DESI1: variants seen among roughly 807,000 people sequenced by gnomAD.
DESI1 encodes PPPDE peptidase domain containing 2.
In DESI1, 17 loss-of-function variants were observed where a neutral mutation model predicts 22.4. That is an observed-to-expected ratio of 0.76 (90% CI 0.52 to 1.14). DESI1 has a LOEUF of 1.14. Ranked by LOEUF, DESI1 falls within the 50% of genes most tolerant of loss-of-function variation. DESI1 has a pLI of 0.00. For synonymous variants in DESI1, 92 were observed against 84.2 expected (o/e 1.09, Z -0.51); for missense variants, 177 against 208.9 (o/e 0.85, Z 0.94).
intron 1 of DESI1, among the ~76,000 whole-genome samples, chr22:41,613,723 G>T (rs73887752): frequency 0.01 from 1,571 of 152,322 alleles, 27 homozygotes; most frequent in African/African-American, 0.036. Flanking sequence ...GTCTACTGCT[G>T]TCTTCTCAGA....
At chr22:41,615,271 TTA>T (rs2067543873) in intron 1 of DESI1, among the ~76,000 whole-genome samples, 2 of 49,782 alleles carry the variant, frequency 4.0e-5, no homozygotes, top group East Asian at 7.8e-4. Context: ...CTACTAAAAA[TTA>T]AAAAAAAAAA....
At chr22:41,602,288 A>G (rs2067453581) in intron 5 of DESI1, 4 of 985,336 alleles carry the variant, frequency 4.1e-6, no homozygotes, top group Admixed American at 1.2e-4. Flanking sequence ...CCATAAAATA[A>G]TAACAGCAAG....
intron 3 of DESI1, among the ~76,000 whole-genome samples, chr22:41,605,415 A>C: frequency 6.6e-6 from 1 of 152,168 alleles, no homozygotes; most frequent in East Asian, 1.9e-4. Flanking sequence ...TCAGCAGGAG[A>C]ACAAATCTGG....
At chr22:41,620,120 A>C (rs1056531817) in intron 1 of DESI1, among the ~76,000 whole-genome samples, 2 of 152,176 alleles carry the variant, frequency 1.3e-5, no homozygotes, top group African/African-American at 4.8e-5. Flanking sequence ...AAAAGCAATT[A>C]ACTTAGAAAC....
rs79325960 is a variant in DESI1 at position 41,602,407 on chromosome 22, G to A, written c.413+852C>T. ...ATAGGAAGGCAGGGCCAGGGCTGGC[G>A]GACTGGGGCTCCTCACCAGCCTGCC... is the stretch of plus-strand genomic sequence containing the variant. On this transcript the variant is annotated intron_variant, in intron 5 of 5. Transcript: ENST00000263256. 7.9e-3 allele frequency: 7,754 copies of A among 985,368 alleles called. 423 individuals are homozygous for A. The African/African-American group carries it at 0.12, about 16-fold the overall frequency. The allele number at this position is 985,368 out of a possible 1,614,324, so 61.0% of individuals were successfully genotyped here. A position where few individuals can be genotyped will look rare whatever the true frequency, so the allele number is the denominator to read the frequency against.
At chr22:41,619,381 T>C (rs2067569431) in intron 1 of DESI1, among the ~76,000 whole-genome samples, 1 of 152,230 alleles carries the variant, frequency 6.6e-6, no homozygotes, top group Non-Finnish European at 1.5e-5. Flanking sequence ...GGTCCAGAGG[T>C]AAGAAACAGT....
In DESI1 at chr22:41,614,291, C is replaced by T. The variant is rs571070131; in HGVS notation, c.89-6430G>A. ...GACCTTGTGATCTACCCGCCTCGGT[C>T]TCCCAAAGTGCAGGGATTACAGGGG... On this transcript the variant is annotated intron_variant, in intron 1 of 5. Coordinates refer to ENST00000263256, the MANE Select transcript of DESI1 (RefSeq NM_015704.3). 1.1e-4 allele frequency among the ~76,000 whole-genome samples: 17 copies of T among 152,238 alleles called. 2 individuals carry two copies. In the South Asian group the frequency reaches 3.5e-3, roughly 32 times the overall value.
intron 5 of DESI1, chr22:41,602,396 C>G: frequency 1.0e-6 from 1 of 985,436 alleles, no homozygotes; most frequent in Non-Finnish European, 1.2e-6. Context: ...GAAGGCAGGG[C>G]CAGGGCTGGC....
At chr22:41,611,028 A>G (rs1601513168) in intron 1 of DESI1, among the ~76,000 whole-genome samples, 1 of 152,126 alleles carries the variant, frequency 6.6e-6, no homozygotes, top group East Asian at 1.9e-4. Flanking sequence ...GCCAAAGGGG[A>G]GTGGTAATCC....
In DESI1 at chr22:41,601,078, G is replaced by T. The variant is rs2067447214; in HGVS notation, c.*19C>A. On this transcript the variant is annotated 3_prime_UTR_variant, in exon 6 of 6. Coordinates refer to ENST00000263256, the MANE Select transcript of DESI1 (RefSeq NM_015704.3). ...AAAGGAAAAGCCCTGGTGAGGCAGG[G>T]CGGTCCCAGGCAGTCCTGTTAGCTC... 2 of 1,605,666 alleles carry T rather than the reference G, an allele frequency of 1.2e-6. No individual in the cohort carries two copies. The highest frequency in any genetic ancestry group is 1.7e-6 in the Non-Finnish European group (2 of 1,173,790).
At position 41,602,991 on chromosome 22, in the gene DESI1, G is replaced by T. The variant is rs992738579; in HGVS notation, c.413+268C>A. On this transcript the variant is annotated intron_variant, in intron 5 of 5. Transcript: ENST00000263256. ...TGGGAAGGACAGACGCCAGAATTTT[G>T]TGCAAGTACTGAAGCCAGTGTCAAG... 105 of 586,484 alleles carry T rather than the reference G, an allele frequency of 1.8e-4. 1 individual carries two copies. The highest frequency in any genetic ancestry group is 1.8e-3 in the African/African-American group (94 of 53,182). 36.3% of individuals were successfully genotyped at this position (586,484 alleles called of 1,614,324 possible). A position where few individuals can be genotyped will look rare whatever the true frequency, so the allele number is the denominator to read the frequency against.
At chr22:41,602,951 A>C (rs1298306511) in intron 5 of DESI1, 1 of 563,458 alleles carries the variant, frequency 1.8e-6, no homozygotes, top group Non-Finnish European at 2.6e-6. Flanking sequence ...GGGGAGTGGC[A>C]TGCTTCGAGC....
intron 3 of DESI1, among the ~76,000 whole-genome samples, chr22:41,605,593 G>A (rs2067474514): frequency 1.3e-5 from 2 of 152,164 alleles, no homozygotes; most frequent in South Asian, 4.1e-4. Context: ...AAACTAAAAG[G>A]TCACTCTTTG....
intron 1 of DESI1, among the ~76,000 whole-genome samples, chr22:41,608,454 T>A (rs1303584001): frequency 6.6e-6 from 1 of 152,124 alleles, no homozygotes; most frequent in South Asian, 2.1e-4. Flanking sequence ...GTGGTAAAAA[T>A]AAGGTACTAA....
chr22:41,607,203 T>C, intron 3 of DESI1, 59 bp downstream of exon 3: 1 of 1,460,464 alleles, frequency 6.8e-7, no homozygotes. Flanking sequence ...AAGCTCCTGG[T>C]CTACAGGAGC....
chr22:41,603,182 C>T, intron 5 of DESI1, 77 bp downstream of exon 5: 1 of 1,604,306 alleles, frequency 6.2e-7, no homozygotes, highest in East Asian at 2.2e-5. Flanking sequence ...AGATGGGGGC[C>T]AGAGGAAGGG....
At chr22:41,604,191 A>G (rs1481508238) in intron 3 of DESI1, 38 bp from the exon 4 acceptor site, 2 of 1,580,434 alleles carry the variant, frequency 1.3e-6, no homozygotes, top group Non-Finnish European at 1.7e-6. Context: ...TTAAGTTACC[A>G]TCTCCACTGA....
At chr22:41,619,019 G>C (rs1264146416) in intron 1 of DESI1, among the ~76,000 whole-genome samples, 3 of 151,684 alleles carry the variant, frequency 2.0e-5, no homozygotes, top group East Asian at 1.9e-4. Flanking sequence ...AGCCTAGATC[G>C]TGCCACTGCA....
At chr22:41,609,232 A>G (rs2067501665) in intron 1 of DESI1, among the ~76,000 whole-genome samples, 1 of 152,102 alleles carries the variant, frequency 6.6e-6, no homozygotes, top group Admixed American at 6.5e-5. Context: ...ATGAGCCACC[A>G]CACACTTGGC....
Sources: gnomAD v4.1 joint callset for allele counts (sites outside exome capture counted in the v4.1 genomes callset) on GRCh38, gnomAD v4.1.1 for gene constraint, MANE v1.5 for transcripts, NCBI Gene and HGNC (gene_info 2026-07-23, HGNC 2026-07-21) for gene names.